The following RXRG variants were observed in gnomAD, a reference collection of about 807,000 sequenced individuals.
RXRG encodes retinoid X receptor gamma.
In RXRG, 19 loss-of-function variants were observed where a neutral mutation model predicts 49.2. The observed-to-expected ratio is 0.39, with a 90% CI of 0.27 to 0.57. The LOEUF is 0.57. RXRG is among the 20% of genes least tolerant of loss of function. RXRG has a pLI of 0.64. For synonymous variants in RXRG, 224 were observed against 216.6 expected, an observed-to-expected ratio of 1.03 and a Z score of -0.30; for missense variants, 452 against 592.5, an observed-to-expected ratio of 0.76 and a Z score of 2.46.
intron 1 of RXRG, among the ~76,000 whole-genome samples, chr1:165,432,855 T>C (rs1173920585): frequency 6.6e-6 from 1 of 152,206 alleles, no homozygotes; most frequent in East Asian, 1.9e-4. Context: ...AGTCCAAATC[T>C]TAAGTCAAGG....
At chr1:165,415,365 C>CT (rs971072743) in intron 4 of RXRG, among the ~76,000 whole-genome samples, 6 of 152,266 alleles carry the variant, frequency 3.9e-5, no homozygotes, top group Admixed American at 6.5e-5. Flanking sequence ...AGATTTTTGC[C>CT]TTTTTTTCTG....
At chr1:165,418,791 G>C (rs182860768) in intron 3 of RXRG, among the ~76,000 whole-genome samples, 1 of 152,332 alleles carries the variant, frequency 6.6e-6, no homozygotes, top group African/African-American at 2.4e-5. Flanking sequence ...CTTTCAACTA[G>C]AATAAGCATA....
intron 9 of RXRG, 86 bp from the exon 10 acceptor site, chr1:165,401,496 C>A: frequency 6.8e-7 from 1 of 1,463,544 alleles, no homozygotes; most frequent in South Asian, 1.2e-5. Flanking sequence ...TCCAATTGGC[C>A]TTCTCGACCC....
intron 1 of RXRG, among the ~76,000 whole-genome samples, chr1:165,436,351 A>G (rs2101743994): frequency 6.6e-6 from 1 of 152,360 alleles, no homozygotes; most frequent in Non-Finnish European, 1.5e-5. Context: ...AAATAGCTCA[A>G]TGCCACCAAC....
intron 1 of RXRG, among the ~76,000 whole-genome samples, chr1:165,439,953 G>A (rs936463605): frequency 3.9e-5 from 6 of 152,188 alleles, no homozygotes; most frequent in African/African-American, 1.4e-4. Context: ...GGAAAGAGGA[G>A]GGAGAAGAAG....
At chr1:165,443,409 A>G (rs1055357332) in intron 1 of RXRG, among the ~76,000 whole-genome samples, 2 of 152,190 alleles carry the variant, frequency 1.3e-5, no homozygotes, top group African/African-American at 2.4e-5. Flanking sequence ...GAGCCCAACC[A>G]TAGACTAGAG....
intron 1 of RXRG, chr1:165,436,795 T>C (rs1658827387): frequency 6.5e-6 from 3 of 459,788 alleles, no homozygotes; most frequent in Non-Finnish European, 8.7e-6. Context: ...AACCTGGAGT[T>C]CCTTGGCCTC....
At chr1:165,438,105 C>G (rs1221799881) in intron 1 of RXRG, among the ~76,000 whole-genome samples, 1 of 152,166 alleles carries the variant, frequency 6.6e-6, no homozygotes. Context: ...AGACGGTGGC[C>G]TCCAGGAGGG....
chr1:165,444,240 G>A (rs541457380), intron 1 of RXRG, among the ~76,000 whole-genome samples: 1 of 152,160 alleles, frequency 6.6e-6, no homozygotes, highest in Non-Finnish European at 1.5e-5. Flanking sequence ...AGAATTGGGG[G>A]CAGCAGCAGG....
rs56686789 is a variant in RXRG, at chr1:165,402,089, A to ATTT, written c.1245-682_1245-680dup. 2.5e-3 allele frequency among the ~76,000 whole-genome samples: 370 copies of ATTT among 148,050 alleles called. 1 individual carries two copies. The highest frequency in any genetic ancestry group is 7.9e-3 in the African/African-American group (320 of 40,458). On this transcript the variant is annotated intron_variant, in intron 9 of 9. Transcript: ENST00000359842. ...GCCAATTTGTAACCAATTGTTACCA[A>ATTT]TTTTTTTTTTTTGAGACCGAGTTTC...
At chr1:165,415,187 T>C (rs1168647293) in intron 4 of RXRG, among the ~76,000 whole-genome samples, 1 of 151,892 alleles carries the variant, frequency 6.6e-6, no homozygotes, top group East Asian at 1.9e-4. Context: ...TGAGAAAAAG[T>C]GAGCCATCAG....
chr1:165,430,258 T>G (rs1658627813), intron 1 of RXRG, among the ~76,000 whole-genome samples: 1 of 152,220 alleles, frequency 6.6e-6, no homozygotes, highest in African/African-American at 2.4e-5. Flanking sequence ...TGACTTTATG[T>G]GGCTCATTAT....
At chr1:165,444,762 A>G (rs1659107816) in intron 1 of RXRG, 83 bp downstream of exon 1, 8 of 1,197,284 alleles carry the variant, frequency 6.7e-6, no homozygotes, top group Middle Eastern at 1.9e-4. Context: ...TTAATTCAAT[A>G]CTAATCCAGT....
At chr1:165,438,280 A>C (rs157885) in intron 1 of RXRG, among the ~76,000 whole-genome samples, 132,468 of 152,082 alleles carry the variant, frequency 0.87, 58,362 homozygotes, top group East Asian at 0.99. Flanking sequence ...AGGAAATGCT[A>C]ATTGGAGCAT....
At chr1:165,429,259 G>A (rs1251659543) in intron 1 of RXRG, among the ~76,000 whole-genome samples, 2 of 152,152 alleles carry the variant, frequency 1.3e-5, no homozygotes, top group South Asian at 2.1e-4. Context: ...TGCAACAAGG[G>A]GCACAGTCCA....
At chr1:165,422,261 A>C (rs1454207125) in intron 2 of RXRG, among the ~76,000 whole-genome samples, 1 of 152,208 alleles carries the variant, frequency 6.6e-6, no homozygotes, top group Non-Finnish European at 1.5e-5. Context: ...TCCTCTCAAC[A>C]ACCCTAAGAG....
chr1:165,427,728 C>A (rs908680621), intron 2 of RXRG, among the ~76,000 whole-genome samples: 9 of 152,174 alleles, frequency 5.9e-5, no homozygotes, highest in Non-Finnish European at 1.2e-4. Flanking sequence ...AGGCATGAGC[C>A]ACCGTGCCCG....
intron 2 of RXRG, chr1:165,424,933 A>C (rs961856975): frequency 1.0e-6 from 1 of 985,438 alleles, no homozygotes; most frequent in Admixed American, 6.1e-5. Context: ...GCATTGCTGC[A>C]GTGTGGTTCC....
Position 165,434,010 on chromosome 1 carries a change from G to A in RXRG, c.50-5044C>T, listed in dbSNP as rs578217623. ...CAACAGCTCAGAAGTCAGAGTTCTA[G>A]GTTGAGGTTCTGCCACTTTCCAGCT... On this transcript the variant is annotated intron_variant, in intron 1 of 9. Coordinates refer to ENST00000359842, the MANE Select transcript of RXRG (RefSeq NM_006917.5). 5.9e-5 allele frequency among the ~76,000 whole-genome samples: 9 copies of A among 152,296 alleles called. No homozygotes were observed. The South Asian group carries it at 1.9e-3, about 32-fold the overall frequency.
Sources: allele counts gnomAD v4.1 joint callset (sites outside exome capture counted in the v4.1 genomes callset), GRCh38; gene constraint gnomAD v4.1.1; transcripts MANE v1.5; gene names NCBI Gene and HGNC (gene_info 2026-07-23, HGNC 2026-07-21).